DPP10: variants seen among roughly 807,000 people sequenced by gnomAD.
The protein encoded by DPP10 is dipeptidyl peptidase like 10, also known as inactive dipeptidyl peptidase 10.
In DPP10, 33 loss-of-function variants were observed where a neutral mutation model predicts 120.9. The observed-to-expected ratio is 0.27, with a 90% confidence interval of 0.21 to 0.37. The LOEUF (loss-of-function observed/expected upper bound fraction) is 0.37. DPP10 is among the 10% of genes least tolerant of loss of function. The pLI, the probability that DPP10 is intolerant of heterozygous loss-of-function variation, is 1.00. For missense variants in DPP10, 816 were observed against 942.8 expected (o/e 0.87, Z 1.76); for synonymous variants, 337 against 326.1 (o/e 1.03, Z -0.36).
At chr2:115,264,137 C>G (rs2059365588) in intron 1 of DPP10, among the ~76,000 whole-genome samples, 1 of 152,106 alleles carries the variant, frequency 6.6e-6, no homozygotes, top group Admixed American at 6.5e-5. Context: ...GTATCTGTGA[C>G]ATATTTTTTA....
chr2:115,501,601 C>A (rs1167574245), intron 4 of DPP10, among the ~76,000 whole-genome samples: 1 of 151,906 alleles, frequency 6.6e-6, no homozygotes, highest in Non-Finnish European at 1.5e-5. Context: ...ATTTATGTCA[C>A]AACACAGATA....
intron 1 of DPP10, among the ~76,000 whole-genome samples, chr2:114,472,001 G>T (rs557975624): frequency 6.6e-6 from 1 of 152,178 alleles, no homozygotes; most frequent in African/African-American, 2.4e-5. Flanking sequence ...AGTAAACTTC[G>T]ATTTCACTCA....
At chr2:115,685,456 C>T (rs780013031) in intron 5 of DPP10, among the ~76,000 whole-genome samples, 5 of 151,900 alleles carry the variant, frequency 3.3e-5, no homozygotes, top group Non-Finnish European at 7.4e-5. Context: ...GTTTCTTGGC[C>T]TTGTTGCACC....
intron 1 of DPP10, among the ~76,000 whole-genome samples, chr2:114,951,615 A>C (rs115937024): frequency 0.018 from 2,674 of 152,284 alleles, 49 homozygotes; most frequent in Non-Finnish European, 0.028. Context: ...AGATATTTTT[A>C]AGCAGTAAAA....
Position 114,780,581 on chromosome 2 carries a change from A to G in DPP10, c.60+337743A>G, listed in dbSNP as rs529147471. On this transcript the variant is annotated intron_variant, in intron 1 of 25. Transcript: ENST00000410059. ...ATTCCATTTAAATTTTACAATAGCT[A>G]TTATTACAATAACACACTATTAAAT... Among the ~76,000 whole-genome samples, 3 of 152,136 alleles carry G rather than the reference A, an allele frequency of 2.0e-5. No homozygotes were observed. The East Asian group carries it at 5.8e-4, about 29-fold the overall frequency.
At chr2:115,493,596 A>G (rs1014239146) in intron 3 of DPP10, among the ~76,000 whole-genome samples, 2 of 152,108 alleles carry the variant, frequency 1.3e-5, no homozygotes, top group African/African-American at 4.8e-5. Flanking sequence ...GCATATAGAA[A>G]AATTTGAAGA....
intron 5 of DPP10, among the ~76,000 whole-genome samples, chr2:115,683,152 T>C (rs1332964725): frequency 2.6e-5 from 4 of 151,874 alleles, no homozygotes; most frequent in Non-Finnish European, 5.9e-5. Context: ...CTATGCAATA[T>C]TGTTTACTGA....
chr2:114,819,074 G>A (rs967044335), intron 1 of DPP10, among the ~76,000 whole-genome samples: 4 of 152,016 alleles, frequency 2.6e-5, no homozygotes, highest in Non-Finnish European at 5.9e-5. Flanking sequence ...GAAGTGCTGG[G>A]CATTTCGTTA....
At chr2:114,898,944 A>G (rs1306285484) in intron 1 of DPP10, among the ~76,000 whole-genome samples, 2 of 152,124 alleles carry the variant, frequency 1.3e-5, no homozygotes, top group Non-Finnish European at 1.5e-5. Context: ...TCCTAAATCA[A>G]TCCTCTGGAT....
At chr2:114,540,945 G>A (rs564077999) in intron 1 of DPP10, among the ~76,000 whole-genome samples, 35 of 152,220 alleles carry the variant, frequency 2.3e-4, no homozygotes, top group African/African-American at 8.4e-4. Context: ...CTCTCATTAG[G>A]AAGCTGCTAC....
At chr2:115,709,748 A>G (rs2092256649) in intron 7 of DPP10, among the ~76,000 whole-genome samples, 1 of 151,914 alleles carries the variant, frequency 6.6e-6, no homozygotes, top group South Asian at 2.1e-4. Flanking sequence ...AGAGAGAAAA[A>G]CAAAACAAAA....
At chr2:115,141,386 G>C (rs761363139) in intron 1 of DPP10, among the ~76,000 whole-genome samples, 4 of 152,068 alleles carry the variant, frequency 2.6e-5, no homozygotes, top group Admixed American at 6.6e-5. Context: ...TATCTTAATT[G>C]ATCTTCCCGA....
chr2:115,803,283 G>C (rs915436062), intron 19 of DPP10, among the ~76,000 whole-genome samples: 8 of 151,978 alleles, frequency 5.3e-5, no homozygotes, highest in Admixed American at 2.0e-4. Context: ...CCATTTTCTT[G>C]GTAGATCTTC....
chr2:115,707,576 C>G (rs1288215966), intron 7 of DPP10, among the ~76,000 whole-genome samples: 1 of 129,306 alleles, frequency 7.7e-6, no homozygotes, highest in African/African-American at 2.5e-5. Flanking sequence ...ACATGTGTCT[C>G]AAGACATACA....
intron 1 of DPP10, among the ~76,000 whole-genome samples, chr2:114,977,192 T>G (rs1436612254): frequency 6.6e-6 from 1 of 152,172 alleles, no homozygotes; most frequent in Non-Finnish European, 1.5e-5. Flanking sequence ...CTTGTGCAAT[T>G]GTCTCTGTTG....
chr2:114,511,381 G>C (rs1237621593), intron 1 of DPP10, among the ~76,000 whole-genome samples: 1 of 152,184 alleles, frequency 6.6e-6, no homozygotes, highest in Admixed American at 6.5e-5. Context: ...GGGTCCTCCA[G>C]TGTTGTGCTA....
intron 1 of DPP10, among the ~76,000 whole-genome samples, chr2:114,989,051 T>A (rs368222164): frequency 6.4e-4 from 98 of 152,304 alleles, no homozygotes; most frequent in African/African-American, 2.3e-3. Context: ...AACTACATTA[T>A]GTTGTGAAAC....
intron 19 of DPP10, among the ~76,000 whole-genome samples, chr2:115,794,294 G>A (rs1000293245): frequency 2.0e-5 from 3 of 152,160 alleles, no homozygotes; most frequent in African/African-American, 7.2e-5. Context: ...GCATGAGTTA[G>A]CGTCAGGCTG....
At chr2:115,684,127 A>G (rs945189150) in intron 5 of DPP10, among the ~76,000 whole-genome samples, 2 of 151,918 alleles carry the variant, frequency 1.3e-5, no homozygotes, top group African/African-American at 4.8e-5. Flanking sequence ...AATACTAATA[A>G]ATATTAAGTA....
Sources: allele counts gnomAD v4.1 joint callset (sites outside exome capture counted in the v4.1 genomes callset), GRCh38; gene constraint gnomAD v4.1.1; transcripts MANE v1.5; gene names NCBI Gene and HGNC (gene_info 2026-07-23, HGNC 2026-07-21).